The following ANKRD33B variants were observed in gnomAD, a reference collection of about 807,000 sequenced individuals.
ANKRD33B encodes ankyrin repeat domain 33B.
ANKRD33B carries 6 observed loss-of-function variants against 21.5 expected under a neutral mutation model. That is an observed-to-expected ratio of 0.28 (90% CI 0.15 to 0.55). The LOEUF (loss-of-function observed/expected upper bound fraction) is 0.55, where lower values mean the gene tolerates loss of function less well. Ranked by LOEUF, ANKRD33B falls within the 20% of genes least tolerant of loss-of-function variation. The probability of loss-of-function intolerance (pLI) is 0.94; values close to 1 mark genes in which losing one functional copy is unlikely to be tolerated. For missense variants in ANKRD33B, 698 were observed against 747.2 expected (o/e 0.93, Z 0.77); for synonymous variants, 347 against 342.4 (o/e 1.01, Z -0.15).
intron 1 of ANKRD33B, among the ~76,000 whole-genome samples, chr5:10,589,720 C>T (rs1735642154): frequency 6.6e-6 from 1 of 152,132 alleles, no homozygotes; most frequent in East Asian, 1.9e-4. Flanking sequence ...ATTCTGCCTT[C>T]TTTTTCTAAT....
At position 10,649,609 on chromosome 5, in the gene ANKRD33B, G is replaced by A. The variant is rs1737280850; in HGVS notation, c.981G>A (p.Val327=). 1 of 1,531,014 alleles carries A rather than the reference G, an allele frequency of 6.5e-7. No homozygotes were observed. The highest frequency in any genetic ancestry group is 2.0e-5 in the Admixed American group (1 of 50,836). 94.8% of individuals were successfully genotyped at this position (1,531,014 alleles called of 1,614,324 possible). ...SPAVAIVCQT[V]CPESPPSVGK... ...CCGTGGCCATCGTGTGCCAGACCGT[G>A]TGCCCTGAGAGCCCTCCGAGCGTGG... The change falls in exon 4 of 4, where the codon GTG becomes GTA. Residue 327 remains valine, a synonymous_variant. Coordinates refer to ENST00000296657, the MANE Select transcript of ANKRD33B (RefSeq NM_001164440.2).
intron 1 of ANKRD33B, among the ~76,000 whole-genome samples, chr5:10,573,084 A>C (rs916126678): frequency 2.0e-4 from 31 of 152,214 alleles, no homozygotes; most frequent in Admixed American, 1.3e-4. Context: ...ATGGGATTTC[A>C]CTTCTACCTC....
intron 1 of ANKRD33B, among the ~76,000 whole-genome samples, chr5:10,606,613 A>T (rs944401653): frequency 6.6e-6 from 1 of 152,036 alleles, no homozygotes; most frequent in Non-Finnish European, 1.5e-5. Context: ...GAGTGCCTGT[A>T]GTCCCAGCTA....
At chr5:10,615,450 T>C (rs544885204) in intron 1 of ANKRD33B, among the ~76,000 whole-genome samples, 3 of 152,220 alleles carry the variant, frequency 2.0e-5, no homozygotes, top group African/African-American at 7.2e-5. Context: ...TATCCAAGAA[T>C]AGGGATTTGT....
chr5:10,609,363 G>A (rs552852575), intron 1 of ANKRD33B, among the ~76,000 whole-genome samples: 11 of 151,982 alleles, frequency 7.2e-5, no homozygotes, highest in Non-Finnish European at 1.3e-4. Context: ...GACCAGCCTC[G>A]GTAACATGGC....
Position 10,604,183 on chromosome 5 carries a change from C to T in ANKRD33B, c.367-14150C>T, listed in dbSNP as rs565413089. On this transcript the variant is annotated intron_variant, in intron 1 of 3. Transcript: ENST00000296657. ...CTGGGATTACAGGTGTGAGCCACCG[C>T]GCCTGGCTTTTTTTTTTTTTTTTTT... Among the ~76,000 whole-genome samples the T allele has an allele frequency of 6.6e-3, 889 of 134,438 alleles. 10 individuals are homozygous for T. Among genetic ancestry groups the T allele is most frequent in the African/African-American group, 0.023 (830 of 35,574 alleles). 88.2% of individuals were successfully genotyped at this position (134,438 alleles called of 152,430 possible). A position where few individuals can be genotyped will look rare whatever the true frequency, so the allele number is the denominator to read the frequency against.
chr5:10,577,096 T>C (rs939634010), intron 1 of ANKRD33B, among the ~76,000 whole-genome samples: 3 of 149,088 alleles, frequency 2.0e-5, no homozygotes, highest in African/African-American at 7.7e-5. Context: ...CCCTTTCCCT[T>C]CCCCTTCCCC....
intron 2 of ANKRD33B, among the ~76,000 whole-genome samples, chr5:10,621,218 G>A (rs558201836): frequency 6.6e-6 from 1 of 152,176 alleles, no homozygotes; most frequent in South Asian, 2.1e-4. Context: ...GACTTTCCCA[G>A]TCCCTGTCTG....
At position 10,650,157 on chromosome 5, in the gene ANKRD33B, G is replaced by A. The variant is rs1435703575; in HGVS notation, c.*44G>A. ...CTGGGGCCGGGGCTGGGGCCGGGGCGGGGCCGCAGGGCTGGGCGCGGAGAA... is the reference window on the plus strand; with the variant it reads ...CTGGGGCCGGGGCTGGGGCCGGGGCAGGGCCGCAGGGCTGGGCGCGGAGAA... On this transcript the variant is annotated 3_prime_UTR_variant, in exon 4 of 4. Coordinates refer to ENST00000296657, the MANE Select transcript of ANKRD33B (RefSeq NM_001164440.2). 25 of 1,418,706 alleles carry A rather than the reference G, an allele frequency of 1.8e-5. No individual in the cohort carries two copies. Among genetic ancestry groups the A allele is most frequent in the Non-Finnish European group, 2.1e-5 (23 of 1,090,046 alleles). 87.9% of individuals were successfully genotyped at this position (1,418,706 alleles called of 1,614,324 possible). A position where few individuals can be genotyped will look rare whatever the true frequency, so the allele number is the denominator to read the frequency against.
At chr5:10,633,974 G>A (rs762351160) in intron 2 of ANKRD33B, among the ~76,000 whole-genome samples, 2 of 152,206 alleles carry the variant, frequency 1.3e-5, no homozygotes, top group Non-Finnish European at 2.9e-5. Context: ...CAGCCCGCGG[G>A]TTAAGGAGGG....
rs1737314710 is a variant in ANKRD33B, at chr5:10,650,230, G to A, written c.*117G>A. 2 of 1,118,724 alleles carry A rather than the reference G, an allele frequency of 1.8e-6. No individual in the cohort carries two copies. The highest frequency in any genetic ancestry group is 2.0e-5 in the South Asian group (1 of 50,154). The allele number at this position is 1,118,724 out of a possible 1,614,324, so 69.3% of individuals were successfully genotyped here. A position where few individuals can be genotyped will look rare whatever the true frequency, so the allele number is the denominator to read the frequency against. On this transcript the variant is annotated 3_prime_UTR_variant, in exon 4 of 4. Coordinates refer to ENST00000296657, the MANE Select transcript of ANKRD33B (RefSeq NM_001164440.2). ...GCACCACTTCCGCTCCATGGACCACGGGGCTGCGCGCATTTCCAGGCTGTT... is the reference window on the plus strand; with the variant it reads ...GCACCACTTCCGCTCCATGGACCACAGGGCTGCGCGCATTTCCAGGCTGTT...
At chr5:10,634,315 C>T (rs1736803071) in intron 2 of ANKRD33B, among the ~76,000 whole-genome samples, 1 of 148,848 alleles carries the variant, frequency 6.7e-6, no homozygotes, top group South Asian at 2.2e-4. Context: ...GTGACCCTCT[C>T]TTAAGCAGGG....
At position 10,655,856 on chromosome 5, in the gene ANKRD33B, T is replaced by C. The variant is rs1342605351; in HGVS notation, c.*5743T>C. 1 of 152,378 alleles carries C rather than the reference T, an allele frequency of 6.6e-6. No individual in the cohort carries two copies. The highest frequency in any genetic ancestry group is 1.5e-5 in the Non-Finnish European group (1 of 68,076). The allele number at this position is 152,378 out of a possible 1,614,324, so 9.4% of individuals were successfully genotyped here. On this transcript the variant is annotated 3_prime_UTR_variant, in exon 4 of 4. Transcript: ENST00000296657. ...TTCTTCCAGCCTGGTCCTTGGTTTC[T>C]ACCCCAGCCGCTTTCAGCCGGCACC...
intron 2 of ANKRD33B, chr5:10,627,556 C>A (rs1736606064): frequency 6.6e-6 from 1 of 152,170 alleles, no homozygotes; most frequent in Non-Finnish European, 1.5e-5. Context: ...TGCGGGGGAG[C>A]CCTGGTTCCT....
At position 10,570,234 on chromosome 5, in the gene ANKRD33B, C is replaced by A. The variant is rs145785390; in HGVS notation, c.366+5401C>A. The stretch of plus-strand genomic sequence containing the variant: ...TCTGTGGCCACAATCATGCTGCCTA[C>A]CAAATAGCTACAAAACCTTACAGGT... On this transcript the variant is annotated intron_variant, in intron 1 of 3. Transcript: ENST00000296657. 1.3e-3 allele frequency among the ~76,000 whole-genome samples: 198 copies of A among 152,314 alleles called. 1 individual carries two copies. Among genetic ancestry groups the A allele is most frequent in the African/African-American group, 4.4e-3 (185 of 41,576 alleles).
intron 3 of ANKRD33B, among the ~76,000 whole-genome samples, chr5:10,647,400 T>C (rs577727663): frequency 3.3e-5 from 5 of 152,326 alleles, no homozygotes; most frequent in African/African-American, 7.2e-5. Flanking sequence ...TGAGCCACTA[T>C]GCCTGGCCCC....
At chr5:10,618,876 T>G (rs1036127348) in intron 2 of ANKRD33B, among the ~76,000 whole-genome samples, 2 of 152,138 alleles carry the variant, frequency 1.3e-5, no homozygotes, top group African/African-American at 4.8e-5. Flanking sequence ...ACTTTGCACT[T>G]CACCTGTAGA....
intron 1 of ANKRD33B, among the ~76,000 whole-genome samples, chr5:10,609,503 G>A (rs895161660): frequency 6.6e-6 from 1 of 152,138 alleles, no homozygotes; most frequent in African/African-American, 2.4e-5. Context: ...AGTGAGCCGT[G>A]ATGCACTCCA....
intron 2 of ANKRD33B, among the ~76,000 whole-genome samples, chr5:10,620,060 G>A (rs573531627): frequency 1.3e-5 from 2 of 152,250 alleles, no homozygotes; most frequent in East Asian, 3.9e-4. Context: ...ATGAGGGAAG[G>A]ATGGGGACCA....
Sources: allele counts gnomAD v4.1 joint callset (sites outside exome capture counted in the v4.1 genomes callset), GRCh38; gene constraint gnomAD v4.1.1; transcripts MANE v1.5; gene names NCBI Gene and HGNC (gene_info 2026-07-23, HGNC 2026-07-21).